TMEM132B: variants seen among roughly 807,000 people sequenced by gnomAD.
TMEM132B encodes transmembrane protein 132B.
A neutral mutation model predicts 90.8 loss-of-function variants in TMEM132B; 18 were observed. The observed-to-expected ratio is 0.20, with a 90% CI of 0.14 to 0.29. The LOEUF (loss-of-function observed/expected upper bound fraction) is 0.29. Ranked by LOEUF, TMEM132B falls within the 10% of genes least tolerant of loss-of-function variation. The pLI, the probability that TMEM132B is intolerant of heterozygous loss-of-function variation, is 1.00. For missense variants in TMEM132B, 1,096 were observed against 1,326.8 expected (o/e 0.83, Z 2.70); for synonymous variants, 504 against 523.3 (o/e 0.96, Z 0.50).
chr12:125,349,702 C>G lies in TMEM132B; in HGVS notation c.318C>G (p.Leu106=). ...TGGAGAAGATAATCCCCCAGGAGCT[C>G]CTGTTGACATCTACAGCCTTTGGAA... ...FSVEKIIPQE[L]LLTSTAFGNM... The change falls in exon 2 of 9, where the codon CTC becomes CTG. Residue 106 remains leucine, a synonymous_variant. Coordinates refer to ENST00000682704, the MANE Select transcript of TMEM132B (RefSeq NM_001366854.1). This position sits in a 1 kb window ranked among gnomAD's most constrained non-coding sequence, Gnocchi z 4.1. 6.2e-7 allele frequency: 1 copy of G among 1,614,198 alleles called. No homozygotes were observed. The highest frequency in any genetic ancestry group is 8.5e-7 in the Non-Finnish European group (1 of 1,180,042).
intron 3 of TMEM132B, among the ~76,000 whole-genome samples, chr12:125,447,155 C>T (rs577177064): frequency 6.6e-6 from 1 of 152,182 alleles, no homozygotes; most frequent in South Asian, 2.1e-4. Context: ...GTCTGTCAGC[C>T]TTTGTCTGTT....
At chr12:125,217,328 A>T (rs1873460155) in intron 1 of TMEM132B, among the ~76,000 whole-genome samples, 1 of 152,172 alleles carries the variant, frequency 6.6e-6, no homozygotes, top group Non-Finnish European at 1.5e-5. Context: ...TCTGAGCCTC[A>T]GTTTCCCATC....
intron 1 of TMEM132B, among the ~76,000 whole-genome samples, chr12:125,266,562 A>G (rs1874701952): frequency 6.6e-6 from 1 of 152,194 alleles, no homozygotes; most frequent in Non-Finnish European, 1.5e-5. Context: ...GCCTGCTCAC[A>G]GAGATCAAGT....
In TMEM132B at chr12:125,654,126, A is replaced by G; in HGVS notation, c.2668A>G (p.Ser890Gly). The G allele has an allele frequency of 3.1e-6, 5 of 1,614,192 alleles. No homozygotes were observed. Among genetic ancestry groups the G allele is most frequent in the Non-Finnish European group, 2.5e-6 (3 of 1,180,026 alleles). ...GAAGTCACCGGACCCCAATAATCCT[A>G]GTGACCTCACAGTGACCTCAAGGGG... ...QGKSPDPNNP[S>G]DLTVTSRGLT... The change falls in exon 9 of 9, where the codon AGT (serine) becomes GGT (glycine). Residue 890 changes from serine (S) to glycine (G), a missense_variant. Coordinates refer to ENST00000682704, the MANE Select transcript of TMEM132B (RefSeq NM_001366854.1). The surrounding 1 kb of genome is among the most constrained non-coding windows in gnomAD (Gnocchi z 5.8).
At chr12:125,446,547 T>A (rs1881010138) in intron 3 of TMEM132B, among the ~76,000 whole-genome samples, 1 of 152,198 alleles carries the variant, frequency 6.6e-6, no homozygotes, top group African/African-American at 2.4e-5. Context: ...CTTTAGTCTC[T>A]TCTAGACTCC....
chr12:125,481,382 T>A lies in TMEM132B; in HGVS notation c.1107-38057T>A, dbSNP rs138267619. ...CCATCATCTCAGCCCAAAATCTCCT[T>A]AAGCTGATAAGCTACTTCAGCAAAG... On this transcript the variant is annotated intron_variant, in intron 3 of 8. Transcript: ENST00000682704. 3.9e-3 allele frequency among the ~76,000 whole-genome samples: 600 copies of A among 152,314 alleles called. 6 individuals are homozygous for A. Among genetic ancestry groups the A allele is most frequent in the African/African-American group, 0.013 (552 of 41,562 alleles).
chr12:125,389,013 TACACACACACAC>T (rs71447042), intron 2 of TMEM132B, among the ~76,000 whole-genome samples: 91 of 140,192 alleles, frequency 6.5e-4, no homozygotes, highest in African/African-American at 2.1e-3. Context: ...ATATTTTCTG[TACACACACACAC>T]ACACACACAC....
At chr12:125,305,673 C>T (rs1875939004) in intron 1 of TMEM132B, among the ~76,000 whole-genome samples, 2 of 152,222 alleles carry the variant, frequency 1.3e-5, no homozygotes, top group South Asian at 4.2e-4. Context: ...GAAATACATG[C>T]TTTGTGGGAT....
rs1358433499 is a variant in TMEM132B, at chr12:125,569,237, A to G, written c.1294-14614A>G. On this transcript the variant is annotated intron_variant, in intron 4 of 8. Transcript: ENST00000682704. ...TTTCCCCCAGTCACTCAGCAGTATC[A>G]CCATTGCTTCCCCAAAGCATCTTCC... Among the ~76,000 whole-genome samples the G allele has an allele frequency of 2.6e-5, 4 of 152,012 alleles. No individual in the cohort carries two copies. The South Asian group carries it at 6.2e-4, about 24-fold the overall frequency.
At chr12:125,333,028 C>G (rs1394200379) in intron 1 of TMEM132B, among the ~76,000 whole-genome samples, 1 of 152,200 alleles carries the variant, frequency 6.6e-6, no homozygotes, top group Non-Finnish European at 1.5e-5. Flanking sequence ...ACACTGATTT[C>G]TCACACATTC....
rs112076133 is a variant in TMEM132B at position 125,544,179 on chromosome 12, T to A, written c.1293+24554T>A. On this transcript the variant is annotated intron_variant, in intron 4 of 8. Transcript: ENST00000682704. Reference sequence around the variant, plus strand: ...ACACATGGAGGGGAACAACAGACACTGGGCCCTGTTGCAGGAGGGTGGTGG... The same window carrying A: ...ACACATGGAGGGGAACAACAGACACAGGGCCCTGTTGCAGGAGGGTGGTGG... Among the ~76,000 whole-genome samples the A allele has an allele frequency of 2.3e-3, 349 of 152,150 alleles. 1 individual carries two copies. The highest frequency in any genetic ancestry group is 8.0e-3 in the African/African-American group (332 of 41,500).
intron 4 of TMEM132B, among the ~76,000 whole-genome samples, chr12:125,554,559 A>G (rs1440779532): frequency 1.3e-5 from 2 of 151,674 alleles, no homozygotes; most frequent in African/African-American, 4.8e-5. Context: ...GCTCTTTTAT[A>G]ATGTTCAATC....
Position 125,660,876 on chromosome 12 carries a change from TAGA to T in TMEM132B, c.*6170_*6172del, listed in dbSNP as rs1406476483. On this transcript the variant is annotated 3_prime_UTR_variant, in exon 9 of 9. Coordinates refer to ENST00000682704, the MANE Select transcript of TMEM132B (RefSeq NM_001366854.1). ...TTAGATGCTGCAGGAACTGAGAGGA[TAGA>T]AGACCTCTCTATACATCTACATTGC... 6.6e-6 allele frequency: 1 copy of T among 152,238 alleles called. No individual in the cohort carries two copies. 9.4% of individuals were successfully genotyped at this position (152,238 alleles called of 1,614,324 possible).
chr12:125,298,399 C>G, intron 1 of TMEM132B, among the ~76,000 whole-genome samples: 1 of 129,880 alleles, frequency 7.7e-6, no homozygotes. Context: ...ATCGGCAGGG[C>G]ATGGTGGCTT....
Position 125,349,950 on chromosome 12 carries a change from T to C in TMEM132B, c.566T>C (p.Val189Ala). The C allele has an allele frequency of 1.9e-6, 3 of 1,614,210 alleles. No homozygotes were observed. The highest frequency in any genetic ancestry group is 2.5e-6 in the Non-Finnish European group (3 of 1,180,036). The change falls in exon 2 of 9, where the codon GTG becomes GCG. Residue 189 changes from valine to alanine, a missense_variant. Coordinates refer to ENST00000682704, the MANE Select transcript of TMEM132B (RefSeq NM_001366854.1). This position sits in a 1 kb window ranked among gnomAD's most constrained non-coding sequence, Gnocchi z 4.1. ...CTGCAAGGGGCCCCAGGGCTGTGTG[T>C]GGCTGAGCTGGAGCTGCTGCCCGAG... ...CRLQGAPGLCVAELELLPEWF... is the reference protein window; with the variant it reads ...CRLQGAPGLCAAELELLPEWF...
chr12:125,434,311 G>A (rs550428563), intron 3 of TMEM132B, among the ~76,000 whole-genome samples: 122 of 152,262 alleles, frequency 8.0e-4, no homozygotes, highest in South Asian at 1.0e-3. Flanking sequence ...CCCACCCCAG[G>A]AACCTTAATC....
At chr12:125,386,472 C>A (rs1175389537) in intron 2 of TMEM132B, among the ~76,000 whole-genome samples, 3 of 152,174 alleles carry the variant, frequency 2.0e-5, no homozygotes, top group Non-Finnish European at 4.4e-5. Context: ...TGTAGCAATG[C>A]CAGCTAATGA....
At chr12:125,551,929 C>G (rs976517520) in intron 4 of TMEM132B, among the ~76,000 whole-genome samples, 5 of 152,178 alleles carry the variant, frequency 3.3e-5, no homozygotes, top group African/African-American at 9.7e-5. Flanking sequence ...CTCTTATGGT[C>G]TAGGCTGAGG....
In TMEM132B at chr12:125,519,578, A is replaced by G. The variant is rs367761714; in HGVS notation, c.1246A>G (p.Ile416Val). The G allele has an allele frequency of 3.5e-4, 564 of 1,614,046 alleles. 6 individuals are homozygous for G. The South Asian group carries it at 5.8e-3, about 17-fold the overall frequency. Residue 416 changes from isoleucine to valine, a missense_variant, in exon 4 of 9, where the codon ATC (isoleucine) becomes GTC (valine). Physicochemically the swap from Ile to Val is conservative, Grantham distance 29. Coordinates refer to ENST00000682704, the MANE Select transcript of TMEM132B (RefSeq NM_001366854.1). ...CATGAGTGAGCTGGTCGTCTCCGAG[A>G]TCTTCGTCAGCCAGACAACCTTCGT... is the stretch of plus-strand genomic sequence containing the variant. Reference protein sequence around the residue: ...DSMSELVVSEIFVSQTTFVGI... With the variant: ...DSMSELVVSEVFVSQTTFVGI...
Sources: gnomAD v4.1 joint callset for allele counts (sites outside exome capture counted in the v4.1 genomes callset) on GRCh38, gnomAD v4.1.1 for gene constraint, Gnocchi (gnomAD v3.1) non-coding constraint, MANE v1.5 for transcripts, NCBI Gene and HGNC (gene_info 2026-07-23, HGNC 2026-07-21) for gene names.